FAM177B: variants seen among roughly 807,000 people sequenced by gnomAD.
The protein encoded by FAM177B is protein FAM177B.
A neutral mutation model predicts 16.1 loss-of-function variants in FAM177B; 16 were observed. The ratio of observed to expected loss-of-function variants is 0.99; its 90% confidence interval spans 0.67 to 1.51. FAM177B has a LOEUF of 1.51. Among genes scored for constraint, FAM177B ranks in the 40% most tolerant of loss-of-function variants. FAM177B has a pLI of 0.00. For missense variants in FAM177B, 178 were observed against 183.7 expected (o/e 0.97, Z 0.18); for synonymous variants, 56 against 59.9 (o/e 0.93, Z 0.30).
At chr1:222,741,052 G>A (rs368884140) in intron 2 of FAM177B, among the ~76,000 whole-genome samples, 14 of 78,778 alleles carry the variant, frequency 1.8e-4, no homozygotes, top group Non-Finnish European at 3.3e-4. Flanking sequence ...CTTACTTTTT[G>A]TTTTCTTTTT....
chr1:222,744,736 T>C (rs1658714761), intron 2 of FAM177B, among the ~76,000 whole-genome samples: 1 of 152,192 alleles, frequency 6.6e-6, no homozygotes, highest in African/African-American at 2.4e-5. Context: ...TATTAAATAA[T>C]AGGATTTTAA....
intron 4 of FAM177B, 42 bp from the exon 5 acceptor site, chr1:222,749,422 AG>A (rs1658950406): frequency 8.9e-7 from 1 of 1,128,262 alleles, no homozygotes; most frequent in Non-Finnish European, 1.3e-6. Flanking sequence ...GCGAAGCTTT[AG>A]TTAGTAATTC....
rs201349132 is a variant in FAM177B at position 222,749,577 on chromosome 1, G to A, written c.339+15G>A. 234 of 1,460,678 alleles carry A rather than the reference G, an allele frequency of 1.6e-4. 1 individual carries two copies. In the African/African-American group the frequency reaches 2.4e-3, roughly 15 times the overall value. 90.5% of individuals were successfully genotyped at this position (1,460,678 alleles called of 1,614,324 possible). ...TACAAAACAAGGTATGTGACACTCT[G>A]ATGGAAACAAGGGGCCTGAGATGGG... is the stretch of plus-strand genomic sequence containing the variant. On this transcript the variant is annotated intron_variant, in intron 5 of 5. Coordinates refer to ENST00000445590, the MANE Select transcript of FAM177B (RefSeq NM_001394345.1).
chr1:222,744,525 G>C (rs2125062402), intron 2 of FAM177B, among the ~76,000 whole-genome samples: 1 of 150,864 alleles, frequency 6.6e-6, no homozygotes, highest in Middle Eastern at 3.5e-3. Flanking sequence ...TTACAACATT[G>C]GAATACTGCC....
At chr1:222,740,017 C>G (rs1275453664) in intron 2 of FAM177B, among the ~76,000 whole-genome samples, 5 of 152,128 alleles carry the variant, frequency 3.3e-5, no homozygotes, top group Admixed American at 6.5e-5. Flanking sequence ...GATAATACCT[C>G]TTCCTACTTC....
Position 222,737,228 on chromosome 1 carries a change from G to A in FAM177B, c.-228G>A, listed in dbSNP as rs1658317850. ...TCATAGGGGCAGAAGATACAGCAGT[G>A]AACATAACAGGTAAAACCCTCCCCC... On this transcript the variant is annotated 5_prime_UTR_variant, in exon 1 of 6. Coordinates refer to ENST00000445590, the MANE Select transcript of FAM177B (RefSeq NM_001394345.1). 6.6e-6 allele frequency: 1 copy of A among 152,318 alleles called. No homozygotes were observed. The highest frequency in any genetic ancestry group is 1.5e-5 in the Non-Finnish European group (1 of 68,100). 9.4% of individuals were successfully genotyped at this position (152,318 alleles called of 1,614,324 possible).
chr1:222,744,232 A>T (rs1658681996), intron 2 of FAM177B, among the ~76,000 whole-genome samples: 1 of 152,194 alleles, frequency 6.6e-6, no homozygotes. Context: ...GCACTTTGGG[A>T]GGCCGAGGCG....
At chr1:222,745,184 C>T (rs967098098) in intron 2 of FAM177B, among the ~76,000 whole-genome samples, 4 of 152,186 alleles carry the variant, frequency 2.6e-5, no homozygotes, top group African/African-American at 9.7e-5. Context: ...AGTGGATGGA[C>T]ATTGAGTTGA....
chr1:222,748,085 A>C (rs1658881178), intron 4 of FAM177B, among the ~76,000 whole-genome samples: 1 of 152,218 alleles, frequency 6.6e-6, no homozygotes, highest in Non-Finnish European at 1.5e-5. Flanking sequence ...TAAAAAGTAA[A>C]GATGGGGTGA....
At position 222,750,816 on chromosome 1, in the gene FAM177B, A is replaced by G. The variant is rs1413854721; in HGVS notation, c.*758A>G. On this transcript the variant is annotated 3_prime_UTR_variant, in exon 6 of 6. Transcript: ENST00000445590. ...AGCAAAAAACAAACCAAAAAAAAAA[A>G]AAATGAAAAACACAGGGCCTGCAGT... The G allele has an allele frequency of 6.3e-6, 1 of 158,194 alleles. No homozygotes were observed. Among genetic ancestry groups the G allele is most frequent in the Non-Finnish European group, 1.4e-5 (1 of 73,588 alleles). 9.8% of individuals were successfully genotyped at this position (158,194 alleles called of 1,614,324 possible).
intron 2 of FAM177B, among the ~76,000 whole-genome samples, chr1:222,745,071 A>G (rs1260139752): frequency 1.3e-5 from 2 of 152,238 alleles, no homozygotes; most frequent in Non-Finnish European, 2.9e-5. Context: ...TTAGCATAAT[A>G]CATTTGAGAG....
At chr1:222,749,636 A>C in intron 5 of FAM177B, 74 bp downstream of exon 5, 1 of 912,460 alleles carries the variant, frequency 1.1e-6, no homozygotes, top group East Asian at 2.4e-5. Flanking sequence ...GCCAGTATAG[A>C]GAAGTATTTT....
chr1:222,749,776 G>C (rs755628353), intron 5 of FAM177B, 145 bp from the exon 6 acceptor site: 35 of 917,234 alleles, frequency 3.8e-5, no homozygotes, highest in Non-Finnish European at 6.1e-5. Context: ...GATGTCATGA[G>C]CTGTGTTGTA....
At chr1:222,741,057 C>CTTTTTTTTTTTTTTTTTT (rs369907456) in intron 2 of FAM177B, among the ~76,000 whole-genome samples, 13 of 82,156 alleles carry the variant, frequency 1.6e-4, no homozygotes, top group East Asian at 3.6e-4. Flanking sequence ...TTTTTGTTTT[C>CTTTTTTTTTTTTTTTTTT]TTTTTTTTTT....
intron 2 of FAM177B, chr1:222,742,441 A>G (rs1343323968): frequency 7.1e-6 from 1 of 141,044 alleles, no homozygotes; most frequent in South Asian, 2.3e-4. Flanking sequence ...ACACATAAAC[A>G]TAAATTGTAT....
chr1:222,749,659 A>C, intron 5 of FAM177B, 97 bp downstream of exon 5: 1 of 762,366 alleles, frequency 1.3e-6, no homozygotes, highest in South Asian at 1.8e-5. Flanking sequence ...CCACCTGGTC[A>C]TATGTACTAT....
rs117391992 is a variant in FAM177B at position 222,745,147 on chromosome 1, T to C, written c.-15-1384T>C. 2.9e-3 allele frequency among the ~76,000 whole-genome samples: 438 copies of C among 152,344 alleles called. 5 individuals carry two copies. Among genetic ancestry groups the C allele is most frequent in the South Asian group, 0.028 (134 of 4,828 alleles). ...GCTGAGGAGTATTCTATTAAATATATGGACCACATTTTGTTTATCCATCGT... is the reference window on the plus strand; with the variant it reads ...GCTGAGGAGTATTCTATTAAATATACGGACCACATTTTGTTTATCCATCGT... On this transcript the variant is annotated intron_variant, in intron 2 of 5. Transcript: ENST00000445590.
intron 2 of FAM177B, among the ~76,000 whole-genome samples, chr1:222,739,443 G>C (rs1658428749): frequency 6.6e-6 from 1 of 152,016 alleles, no homozygotes; most frequent in African/African-American, 2.4e-5. Context: ...CTGAACATTG[G>C]GATGACCTGG....
rs926554821 is a variant in FAM177B, at chr1:222,743,558, C to T, written c.-15-2973C>T. 3.3e-5 allele frequency among the ~76,000 whole-genome samples: 5 copies of T among 152,278 alleles called. No homozygotes were observed. In the Middle Eastern group the frequency reaches 0.01, roughly 311 times the overall value. On this transcript the variant is annotated intron_variant, in intron 2 of 5. Coordinates refer to ENST00000445590, the MANE Select transcript of FAM177B (RefSeq NM_001394345.1). The stretch of plus-strand genomic sequence containing the variant: ...GTCTGACAGAGTTCAGTGGATTACA[C>T]TGCCTTTATTTCACTCAGCTTCATC...
Sources: allele counts gnomAD v4.1 joint callset (sites outside exome capture counted in the v4.1 genomes callset), GRCh38; gene constraint gnomAD v4.1.1; transcripts MANE v1.5; gene names NCBI Gene and HGNC (gene_info 2026-07-23, HGNC 2026-07-21).